The following PPP6R3 variants were observed in gnomAD, a reference collection of about 807,000 sequenced individuals.
PPP6R3 encodes serine/threonine-protein phosphatase 6 regulatory subunit 3.
Under a neutral mutation model 110.7 loss-of-function variants are expected in PPP6R3, and 38 were observed. The observed-to-expected ratio is 0.34, with a 90% CI of 0.26 to 0.45. The LOEUF (loss-of-function observed/expected upper bound fraction) is 0.45, where lower values mean the gene tolerates loss of function less well. Ranked by LOEUF, PPP6R3 falls within the 20% of genes least tolerant of loss-of-function variation. The pLI is 1.00. For synonymous variants in PPP6R3, 369 were observed against 373.5 expected (o/e 0.99, Z 0.14); for missense variants, 870 against 1,062.4 (o/e 0.82, Z 2.52).
At chr11:68,519,719 G>A (rs1565567188) in intron 2 of PPP6R3, 68 bp downstream of exon 2, 1 of 397,238 alleles carries the variant, frequency 2.5e-6, no homozygotes, top group East Asian at 3.6e-5. Flanking sequence ...TGGTTCTATT[G>A]TGAGACCCTG....
chr11:68,585,967 T>A (rs975694337), intron 15 of PPP6R3, among the ~76,000 whole-genome samples: 1 of 152,074 alleles, frequency 6.6e-6, no homozygotes, highest in African/African-American at 2.4e-5. Context: ...ACTAGAGGTA[T>A]AACAGTTTTG....
intron 1 of PPP6R3, among the ~76,000 whole-genome samples, chr11:68,475,133 C>G (rs1002154343): frequency 6.6e-6 from 1 of 152,100 alleles, no homozygotes; most frequent in African/African-American, 2.4e-5. Flanking sequence ...GAGCATGCTG[C>G]CTTCAAGTAT....
intron 1 of PPP6R3, among the ~76,000 whole-genome samples, chr11:68,506,121 ATTAC>A (rs1166616351): frequency 6.2e-5 from 9 of 145,898 alleles, no homozygotes; most frequent in African/African-American, 2.2e-4. Context: ...GGTTTTTGCC[ATTAC>A]TTTTAATTGC....
At chr11:68,471,282 CA>C (rs34619002) in intron 1 of PPP6R3, among the ~76,000 whole-genome samples, 5,744 of 57,254 alleles carry the variant, frequency 0.1, 327 homozygotes, top group African/African-American at 0.28. Flanking sequence ...GATTCTGTCT[CA>C]AAAAAAAAAA....
chr11:68,551,235 A>G, intron 6 of PPP6R3, 49 bp downstream of exon 6: 2 of 1,422,454 alleles, frequency 1.4e-6, no homozygotes, highest in African/African-American at 1.4e-5. Flanking sequence ...AAAAAACAAA[A>G]AACTGTTTAT....
At chr11:68,600,559 T>A in intron 20 of PPP6R3, 65 bp downstream of exon 20, 2 of 1,532,040 alleles carry the variant, frequency 1.3e-6, no homozygotes, top group South Asian at 2.5e-5. Flanking sequence ...AGGTGTTTGC[T>A]GTTAACGTGT....
chr11:68,497,147 C>T (rs1452209537), intron 1 of PPP6R3, among the ~76,000 whole-genome samples: 7 of 151,184 alleles, frequency 4.6e-5, no homozygotes, highest in East Asian at 2.0e-4. Flanking sequence ...CCCGGGTTCA[C>T]GCCATTCTCC....
Position 68,569,151 on chromosome 11 carries a change from T to C in PPP6R3, c.1129-597T>C, listed in dbSNP as rs111835666. ...AGAGAAAAAAGATACTCCCTTTCTC[T>C]TGGAGAAACGTACTCTTGTCTTTGT... On this transcript the variant is annotated intron_variant, in intron 10 of 23. Transcript: ENST00000393800. Among the ~76,000 whole-genome samples the C allele has an allele frequency of 4.0e-3, 606 of 152,324 alleles. 3 individuals are homozygous for C. Among genetic ancestry groups the C allele is most frequent in the African/African-American group, 0.013 (556 of 41,572 alleles).
chr11:68,547,817 A>G (rs570307381), intron 4 of PPP6R3, among the ~76,000 whole-genome samples: 14 of 152,156 alleles, frequency 9.2e-5, no homozygotes, highest in African/African-American at 3.4e-4. Flanking sequence ...AATAGAAATA[A>G]AAGATTCTGT....
Position 68,588,558 on chromosome 11 carries a change from C to T in PPP6R3, c.1730+534C>T, listed in dbSNP as rs541295871. Among the ~76,000 whole-genome samples the T allele has an allele frequency of 5.3e-5, 8 of 151,884 alleles. No homozygotes were observed. The East Asian group carries it at 1.2e-3, about 23-fold the overall frequency. On this transcript the variant is annotated intron_variant, in intron 16 of 23. Transcript: ENST00000393800. ...CTGCAAGCTCCACCTCCTGGGTTCA[C>T]GCCATTCTCCTGCCTCAGCCTCCTT...
intron 2 of PPP6R3, among the ~76,000 whole-genome samples, chr11:68,529,509 G>C (rs1182703143): frequency 6.6e-6 from 1 of 152,126 alleles, no homozygotes; most frequent in Non-Finnish European, 1.5e-5. Flanking sequence ...GAGCCACCGC[G>C]CCCAGCCGGC....
intron 3 of PPP6R3, among the ~76,000 whole-genome samples, chr11:68,541,551 G>A (rs2099315630): frequency 6.6e-6 from 1 of 152,196 alleles, no homozygotes; most frequent in South Asian, 2.1e-4. Context: ...CAGAGGGAAA[G>A]GGCAGGAGTT....
At chr11:68,520,775 G>A (rs1379531876) in intron 2 of PPP6R3, among the ~76,000 whole-genome samples, 3 of 151,982 alleles carry the variant, frequency 2.0e-5, no homozygotes. Context: ...TTTTTTGTTT[G>A]TTTGTTTGTT....
intron 1 of PPP6R3, among the ~76,000 whole-genome samples, chr11:68,509,006 A>G (rs907121340): frequency 1.3e-5 from 2 of 152,220 alleles, no homozygotes; most frequent in Non-Finnish European, 2.9e-5. Flanking sequence ...GCTGTCAACT[A>G]CTGAACCACA....
At chr11:68,534,946 G>A (rs894366481) in intron 2 of PPP6R3, among the ~76,000 whole-genome samples, 3 of 152,060 alleles carry the variant, frequency 2.0e-5, no homozygotes, top group Middle Eastern at 6.8e-3. Context: ...TTATCTTTTG[G>A]TATACTTTTG....
chr11:68,563,682 G>GAT (rs1234247342), intron 8 of PPP6R3, among the ~76,000 whole-genome samples: 1 of 152,218 alleles, frequency 6.6e-6, no homozygotes, highest in East Asian at 1.9e-4. Flanking sequence ...AATGGAAAGT[G>GAT]ATACAGCCAC....
intron 14 of PPP6R3, among the ~76,000 whole-genome samples, chr11:68,582,231 C>T (rs986427163): frequency 2.0e-5 from 3 of 152,324 alleles, no homozygotes; most frequent in South Asian, 2.1e-4. Context: ...TATAGTACTT[C>T]TTTCTAGAAG....
chr11:68,604,048 G>C (rs1386523898), intron 22 of PPP6R3, among the ~76,000 whole-genome samples: 2 of 152,212 alleles, frequency 1.3e-5, no homozygotes, highest in Admixed American at 6.5e-5. Context: ...AAGGACTGAA[G>C]CTAAGCCTGT....
At position 68,614,110 on chromosome 11, in the gene PPP6R3, C is replaced by T. The variant is rs1315097155; in HGVS notation, c.*993C>T. ...TCGTGCTGCTAATGGAATTAGAGTG[C>T]GTTCATTTTACAGGCTAGTATTTTA... On this transcript the variant is annotated 3_prime_UTR_variant, in exon 24 of 24. Coordinates refer to ENST00000393800, the MANE Select transcript of PPP6R3 (RefSeq NM_001164161.2). 8 of 985,842 alleles carry T rather than the reference C, an allele frequency of 8.1e-6. No individual in the cohort carries two copies. Among genetic ancestry groups the T allele is most frequent in the African/African-American group, 3.5e-5 (2 of 57,178 alleles). The allele number at this position is 985,842 out of a possible 1,614,324, so 61.1% of individuals were successfully genotyped here. A position where few individuals can be genotyped will look rare whatever the true frequency, so the allele number is the denominator to read the frequency against.
Sources: gnomAD v4.1 joint callset for allele counts (sites outside exome capture counted in the v4.1 genomes callset) on GRCh38, gnomAD v4.1.1 for gene constraint, MANE v1.5 for transcripts, NCBI Gene and HGNC (gene_info 2026-07-23, HGNC 2026-07-21) for gene names.